The following RTN2 variants were observed in gnomAD, a reference collection of about 807,000 sequenced individuals.
The protein encoded by RTN2 is reticulon-2.
Under a neutral mutation model 63.7 loss-of-function variants are expected in RTN2, and 36 were observed. The ratio of observed to expected loss-of-function variants is 0.56; its 90% CI spans 0.43 to 0.75. The LOEUF (loss-of-function observed/expected upper bound fraction) is 0.75. Among genes scored for constraint, RTN2 ranks in the 30% least tolerant of loss-of-function variants. RTN2 has a pLI of 0.00. For synonymous variants in RTN2, 312 were observed against 313.0 expected, an observed-to-expected ratio of 1.00 and a Z score of 0.03; for missense variants, 673 against 705.1, an observed-to-expected ratio of 0.95 and a Z score of 0.52.
intron 1 of RTN2, 183 bp downstream of exon 1, chr19:45,496,609 A>T: frequency 2.5e-6 from 1 of 397,792 alleles, no homozygotes; most frequent in Non-Finnish European, 4.5e-6. Context: ...TGTTTCGTCC[A>T]GGTCCTCCGG....
intron 9 of RTN2, among the ~76,000 whole-genome samples, chr19:45,487,591 T>G (rs1159078406): frequency 1.7e-4 from 24 of 145,214 alleles, no homozygotes; most frequent in African/African-American, 6.1e-4. Context: ...TGGTTTTTTT[T>G]TTTTTTTTTT....
At chr19:45,493,065 G>T in intron 5 of RTN2, 95 bp downstream of exon 5, 1 of 1,200,836 alleles carries the variant, frequency 8.3e-7, no homozygotes, top group Non-Finnish European at 1.2e-6. Context: ...AAGCAGATCA[G>T]TAATAAAAAT....
Position 45,489,514 on chromosome 19 carries a change from C to G in RTN2, c.1073G>C (p.Gly358Ala). Residue 358 changes from glycine (G) to alanine (A), a missense_variant, in exon 6 of 11, where the codon GGA becomes GCA. By Grantham distance (60) the Gly-to-Ala change is moderately conservative. Coordinates refer to ENST00000245923, the MANE Select transcript of RTN2 (RefSeq NM_005619.5). The part of the protein sequence containing the change: ...LLYWKDTRTS[G>A]VVFTGLMVSL... ...GACCATCAGGCCTGTGAAGACCACT[C>G]CTGACGTCCTCGTGTCCTTCCAGTA... 1.7e-5 allele frequency: 28 copies of G among 1,610,780 alleles called. No individual in the cohort carries two copies. Among genetic ancestry groups the G allele is most frequent in the Non-Finnish European group, 2.4e-5 (28 of 1,178,588 alleles).
chr19:45,495,629 A>G (rs1195712266), intron 1 of RTN2, among the ~76,000 whole-genome samples: 1 of 152,240 alleles, frequency 6.6e-6, no homozygotes, highest in African/African-American at 2.4e-5. Context: ...GGCTTCTCTG[A>G]TAAGATGACG....
chr19:45,488,980 G>A lies in RTN2; in HGVS notation c.1248C>T (p.Tyr416=). ...GAGTCAGGGTGAGGTCCACATCCAGGTAGGCCCTGCGGGGACAAAGGAGTG... is the reference window on the plus strand; with the variant it reads ...GAGTCAGGGTGAGGTCCACATCCAGATAGGCCCTGCGGGGACAAAGGAGTG... ...RGDGANPFQA[Y]LDVDLTLTRE... Residue 416 remains tyrosine, a synonymous_variant, in exon 7 of 11, where the codon TAC becomes TAT. Coordinates refer to ENST00000245923, the MANE Select transcript of RTN2 (RefSeq NM_005619.5). 4 of 1,611,498 alleles carry A rather than the reference G, an allele frequency of 2.5e-6. No homozygotes were observed. The highest frequency in any genetic ancestry group is 3.4e-6 in the Non-Finnish European group (4 of 1,178,988).
chr19:45,496,693 C>G, intron 1 of RTN2, 99 bp downstream of exon 1: 2 of 759,482 alleles, frequency 2.6e-6, no homozygotes, highest in South Asian at 3.1e-5. Context: ...CTCCTCCCCC[C>G]ATCCCGGCTC....
At chr19:45,489,836 T>C (rs538041029) in intron 5 of RTN2, among the ~76,000 whole-genome samples, 1 of 151,462 alleles carries the variant, frequency 6.6e-6, no homozygotes, top group South Asian at 2.1e-4. Context: ...GCACCACCAC[T>C]CAGCTAATTT....
intron 5 of RTN2, among the ~76,000 whole-genome samples, chr19:45,492,818 G>C (rs1331002728): frequency 1.4e-4 from 21 of 152,130 alleles, no homozygotes; most frequent in Admixed American, 1.4e-3. Context: ...GGAGGGGCCA[G>C]GTCGCCTGAG....
intron 9 of RTN2, 119 bp from the exon 10 acceptor site, chr19:45,486,232 G>T: frequency 1.3e-6 from 1 of 774,086 alleles, no homozygotes; most frequent in Non-Finnish European, 2.2e-6. Flanking sequence ...GGCCCACCAC[G>T]CCACCCCCGG....
chr19:45,486,486 C>T (rs185560578), intron 9 of RTN2, among the ~76,000 whole-genome samples: 50 of 151,954 alleles, frequency 3.3e-4, no homozygotes, highest in African/African-American at 1.2e-3. Flanking sequence ...TTTATATACT[C>T]GTGTTTTTTA....
intron 9 of RTN2, among the ~76,000 whole-genome samples, chr19:45,487,031 C>CTTTTTTTTTT (rs1568621255): frequency 3.7e-5 from 3 of 80,338 alleles, no homozygotes; most frequent in Non-Finnish European, 7.6e-5. Context: ...CCATGCCCAG[C>CTTTTTTTTTT]CTTTTTTTTT....
chr19:45,496,767 C>T (rs770856364), intron 1 of RTN2, 25 bp downstream of exon 1: 2 of 1,484,674 alleles, frequency 1.3e-6, no homozygotes, highest in Non-Finnish European at 1.8e-6. Context: ...GGGCCCACAC[C>T]AGGCCCCAGT....
chr19:45,494,383 C>A lies in RTN2; in HGVS notation c.597G>T (p.Ser199=). Reference sequence around the variant, plus strand: ...TGAGCTGGGGAGTCAAGACCTCGGGCGATGAGGGCTGAGCAAGTCGGAGTC... The same window carrying A: ...TGAGCTGGGGAGTCAAGACCTCGGGAGATGAGGGCTGAGCAAGTCGGAGTC... The part of the protein sequence containing the change: ...DLRLRLAQPS[S]PEVLTPQLSP... Residue 199 remains serine (S), a synonymous_variant, in exon 4 of 11, where the codon TCG becomes TCT. Coordinates refer to ENST00000245923, the MANE Select transcript of RTN2 (RefSeq NM_005619.5). This position sits in a 1 kb window ranked among gnomAD's most constrained non-coding sequence, Gnocchi z 5.3. 1.9e-6 allele frequency: 3 copies of A among 1,613,862 alleles called. No individual in the cohort carries two copies. In the South Asian group the frequency reaches 3.3e-5, roughly 18 times the overall value.
Position 45,489,491 on chromosome 19 carries a change from C to T in RTN2, c.1096G>A (p.Val366Ile). The T allele has an allele frequency of 1.2e-6, 2 of 1,612,680 alleles. No individual in the cohort carries two copies. Among genetic ancestry groups the T allele is most frequent in the South Asian group, 1.1e-5 (1 of 90,688 alleles). The change falls in exon 6 of 11, where the codon GTC (valine) becomes ATC (isoleucine). Residue 366 changes from valine to isoleucine, a missense_variant. By Grantham distance (29) the Val-to-Ile change is conservative (BLOSUM62 3). Transcript: ENST00000245923. The part of the protein sequence containing the change: ...TSGVVFTGLM[V>I]SLLCLLHFSI... ...AAGTGCAGGAGGCAGAGGAGGGAGA[C>T]CATCAGGCCTGTGAAGACCACTCCT...
At chr19:45,490,813 G>A (rs1049419179) in intron 5 of RTN2, among the ~76,000 whole-genome samples, 1 of 151,642 alleles carries the variant, frequency 6.6e-6, no homozygotes, top group African/African-American at 2.4e-5. Flanking sequence ...CTGACCTCAA[G>A]TAATCCTCCC....
In RTN2 at chr19:45,494,104, C is replaced by G. The variant is rs1259613970; in HGVS notation, c.814+62G>C. On this transcript the variant is annotated intron_variant, in intron 4 of 10. Coordinates refer to ENST00000245923, the MANE Select transcript of RTN2 (RefSeq NM_005619.5). The surrounding 1 kb of genome is among the most constrained non-coding windows in gnomAD (Gnocchi z 5.3). The stretch of plus-strand genomic sequence containing the variant: ...CTTTGCGAGGTTGGTCCCTTTAATT[C>G]AAAATCCTCTCACCTTTTGCCTTCT... 1 of 1,575,446 alleles carries G rather than the reference C, an allele frequency of 6.3e-7. No individual in the cohort carries two copies. Among genetic ancestry groups the G allele is most frequent in the Non-Finnish European group, 8.6e-7 (1 of 1,166,780 alleles).
chr19:45,496,748 G>A (rs367682702), intron 1 of RTN2, 44 bp downstream of exon 1: 25 of 1,398,358 alleles, frequency 1.8e-5, no homozygotes, highest in African/African-American at 1.8e-4. Context: ...TACCCCACCT[G>A]AACCTCTGGG....
At chr19:45,486,272 C>T (rs944833904) in intron 9 of RTN2, among the ~76,000 whole-genome samples, 159 bp from the exon 10 acceptor site, 2 of 152,142 alleles carry the variant, frequency 1.3e-5, no homozygotes, top group African/African-American at 4.8e-5. Context: ...CATTAGATGC[C>T]AGAGATGCCA....
chr19:45,496,757 G>A, intron 1 of RTN2, 35 bp downstream of exon 1: 2 of 1,446,318 alleles, frequency 1.4e-6, no homozygotes, highest in Admixed American at 2.4e-5. Flanking sequence ...TGAACCTCTG[G>A]GGCCCACACC....
Sources: gnomAD v4.1 joint callset for allele counts (sites outside exome capture counted in the v4.1 genomes callset) on GRCh38, gnomAD v4.1.1 for gene constraint, Gnocchi (gnomAD v3.1) non-coding constraint, MANE v1.5 for transcripts, NCBI Gene and HGNC (gene_info 2026-07-23, HGNC 2026-07-21) for gene names.